Variants in ZNF483 observed in about 807,000 individuals in gnomAD.
ZNF483 encodes zinc finger protein 483.
A neutral mutation model predicts 28.6 loss-of-function variants in ZNF483; 9 were observed. That is an observed-to-expected ratio of 0.32 (90% confidence interval 0.19 to 0.55). The LOEUF is 0.55. Ranked by LOEUF, ZNF483 falls within the 20% of genes least tolerant of loss-of-function variation. The probability of loss-of-function intolerance (pLI) is 0.93; values close to 1 mark genes in which losing one functional copy is unlikely to be tolerated. For synonymous variants in ZNF483, 322 were observed against 306.2 expected, an observed-to-expected ratio of 1.05 and a Z score of -0.54; for missense variants, 675 against 871.7, an observed-to-expected ratio of 0.77 and a Z score of 2.84.
Position 111,560,818 on chromosome 9 carries a change from C to T in ZNF483, c.722-15547C>T, listed in dbSNP as rs185243049. 3.3e-5 allele frequency among the ~76,000 whole-genome samples: 5 copies of T among 149,258 alleles called. No homozygotes were observed. In the East Asian group the frequency reaches 1.0e-3, roughly 30 times the overall value. ...ACTAGCCAGGCATGGTGGCTCATGC[C>T]TGTAATCCCAGCTACTCAGGGGGCT... On this transcript the variant is annotated intron_variant, in intron 5 of 5. Coordinates refer to the ZNF483 transcript ENST00000358151.
intron 5 of ZNF483, 58 bp downstream of exon 5, chr9:111,534,411 G>A (rs1266244097): frequency 1.4e-6 from 2 of 1,432,682 alleles, no homozygotes; most frequent in Non-Finnish European, 2.0e-6. Context: ...AGTCTGTTGA[G>A]AAGACTCTTT....
At chr9:111,540,464 T>C (rs1014304118) in intron 5 of ZNF483, among the ~76,000 whole-genome samples, 1 of 152,004 alleles carries the variant, frequency 6.6e-6, no homozygotes, top group African/African-American at 2.4e-5. Context: ...TCAGTGAGAG[T>C]ATGGTATTGG....
intron 5 of ZNF483, among the ~76,000 whole-genome samples, chr9:111,567,787 A>G (rs1828631529): frequency 6.6e-6 from 1 of 152,236 alleles, no homozygotes. Context: ...ATGGGAGGCC[A>G]GGTAGAGTCC....
In ZNF483 at chr9:111,548,106, G is replaced by T. The variant is rs1412876507; in HGVS notation, c.*4936G>T. Among the ~76,000 whole-genome samples, 1 of 152,138 alleles carries T rather than the reference G, an allele frequency of 6.6e-6. No individual in the cohort carries two copies. Among genetic ancestry groups the T allele is most frequent in the Non-Finnish European group, 1.5e-5 (1 of 68,012 alleles). On this transcript the variant is annotated 3_prime_UTR_variant, in exon 6 of 6. Coordinates refer to ENST00000309235, the MANE Select transcript of ZNF483 (RefSeq NM_133464.5). ...GAGGAAGTGTGAGGCCTCCAGCTTTGTTCTTTCCCAAATTGTTTTGGCTAT... is the reference window on the plus strand; with the variant it reads ...GAGGAAGTGTGAGGCCTCCAGCTTTTTTCTTTCCCAAATTGTTTTGGCTAT...
At chr9:111,558,823 A>C (rs1828195466), downstream of ZNF483, among the ~76,000 whole-genome samples, 1 of 152,136 alleles carries the variant, frequency 6.6e-6, no homozygotes, top group Non-Finnish European at 1.5e-5. Context: ...ATTCCAATCT[A>C]ACACCACAAG....
At chr9:111,572,390 C>T (rs1040246868) in intron 5 of ZNF483, among the ~76,000 whole-genome samples, 2 of 152,022 alleles carry the variant, frequency 1.3e-5, no homozygotes, top group Non-Finnish European at 2.9e-5. Flanking sequence ...GTCAGGAAAT[C>T]AAGACCATCC....
At position 111,574,611 on chromosome 9, in the gene ZNF483, A is replaced by G. The variant is rs1828975505; in HGVS notation, c.722-1754A>G. ...CAAAGTGAGACTCTGTCTTAAAAAAAAAAAAAAAAGAATATATGAAAATCT... is the reference window on the plus strand; with the variant it reads ...CAAAGTGAGACTCTGTCTTAAAAAAGAAAAAAAAAGAATATATGAAAATCT... On this transcript the variant is annotated intron_variant, in intron 5 of 5. Coordinates refer to the ZNF483 transcript ENST00000358151. The G allele has an allele frequency of 4.3e-6, 3 of 693,408 alleles. No homozygotes were observed. In the South Asian group the frequency reaches 7.0e-5, roughly 16 times the overall value. 43.0% of individuals were successfully genotyped at this position (693,408 alleles called of 1,614,324 possible). A position where few individuals can be genotyped will look rare whatever the true frequency, so the allele number is the denominator to read the frequency against.
chr9:111,538,785 A>G (rs1827588275), intron 5 of ZNF483, among the ~76,000 whole-genome samples: 1 of 152,134 alleles, frequency 6.6e-6, no homozygotes, highest in Admixed American at 6.6e-5. Context: ...GTTTTGACAG[A>G]TACAGCAGAG....
chr9:111,529,398 A>C (rs1478930740), intron 2 of ZNF483, among the ~76,000 whole-genome samples: 1 of 152,208 alleles, frequency 6.6e-6, no homozygotes, highest in Non-Finnish European at 1.5e-5. Flanking sequence ...GGGATCACTC[A>C]TAGGCAGTAT....
intron 5 of ZNF483, among the ~76,000 whole-genome samples, chr9:111,566,569 C>G (rs769187243): frequency 6.6e-6 from 1 of 152,198 alleles, no homozygotes; most frequent in Admixed American, 6.5e-5. Context: ...CTAAAACTTA[C>G]ATGGTGTAAG....
intron 5 of ZNF483, among the ~76,000 whole-genome samples, chr9:111,561,169 GAGAGAGAGAA>G (rs1172605609): frequency 1.0e-4 from 14 of 139,448 alleles, no homozygotes; most frequent in East Asian, 2.4e-4. Flanking sequence ...GAGAGAGAGA[GAGAGAGAGAA>G]AGAGAGAGAG....
At position 111,551,322 on chromosome 9, in the gene ZNF483, A is replaced by G. The variant is rs1424432223; in HGVS notation, c.*8152A>G. Among the ~76,000 whole-genome samples the G allele has an allele frequency of 1.3e-5, 2 of 152,118 alleles. No individual in the cohort carries two copies. The highest frequency in any genetic ancestry group is 6.5e-5 in the Admixed American group (1 of 15,284). ...ACGTAGAGTTGATAAGTAGATTCAC[A>G]TAGTTCTTCCAAACATACTTTGTTG... On this transcript the variant is annotated 3_prime_UTR_variant, in exon 6 of 6. Transcript: ENST00000309235.
chr9:111,549,655 G>C lies in ZNF483; in HGVS notation c.*6485G>C, dbSNP rs184731389. The C allele has an allele frequency of 9.1e-4, 1,261 of 1,386,564 alleles. 7 individuals carry two copies. Among genetic ancestry groups the C allele is most frequent in the Middle Eastern group, 8.5e-3 (48 of 5,662 alleles). 85.9% of individuals were successfully genotyped at this position (1,386,564 alleles called of 1,614,324 possible). A position where few individuals can be genotyped will look rare whatever the true frequency, so the allele number is the denominator to read the frequency against. ...CAGCGGTCGTGGTGGTGGTGGCAGC[G>C]GCAGCAGGGTTCCCCATTGATTTTC... On this transcript the variant is annotated 3_prime_UTR_variant, in exon 6 of 6. Coordinates refer to ENST00000309235, the MANE Select transcript of ZNF483 (RefSeq NM_133464.5).
chr9:111,534,002 CTG>C, intron 4 of ZNF483, 137 bp downstream of exon 4: 1 of 1,119,544 alleles, frequency 8.9e-7, no homozygotes, highest in Non-Finnish European at 1.3e-6. Flanking sequence ...ATCCTAAAAA[CTG>C]GTTCTGAAAA....
chr9:111,572,756 C>CAA (rs58101079), intron 5 of ZNF483, among the ~76,000 whole-genome samples: 4,188 of 61,734 alleles, frequency 0.068, 147 homozygotes, highest in East Asian at 0.16. Context: ...GACCCTGTCT[C>CAA]AAAAAAAAAA....
chr9:111,573,612 C>A (rs938060446), intron 5 of ZNF483, among the ~76,000 whole-genome samples: 1 of 152,060 alleles, frequency 6.6e-6, no homozygotes, highest in Non-Finnish European at 1.5e-5. Context: ...TTTGTGATCT[C>A]TCTTAATAGC....
intron 2 of ZNF483, chr9:111,528,159 C>A: frequency 1.2e-6 from 1 of 834,564 alleles, no homozygotes; most frequent in Non-Finnish European, 1.8e-6. Flanking sequence ...ACAGGCAAAT[C>A]AACCAGCTCA....
rs367828494 is a variant in ZNF483 at position 111,548,056 on chromosome 9, G to A, written c.*4886G>A. ...TGTTTTGTAATCAGGATTACACTACGTTTCCTGTAGTATGTTTTTGAAATG... is the reference window on the plus strand; with the variant it reads ...TGTTTTGTAATCAGGATTACACTACATTTCCTGTAGTATGTTTTTGAAATG... On this transcript the variant is annotated 3_prime_UTR_variant, in exon 6 of 6. Coordinates refer to ENST00000309235, the MANE Select transcript of ZNF483 (RefSeq NM_133464.5). Among the ~76,000 whole-genome samples, 4 of 152,108 alleles carry A rather than the reference G, an allele frequency of 2.6e-5. No individual in the cohort carries two copies. The highest frequency in any genetic ancestry group is 4.4e-5 in the Non-Finnish European group (3 of 68,008).
chr9:111,557,928 C>G (rs982280196), downstream of ZNF483, among the ~76,000 whole-genome samples: 2 of 152,102 alleles, frequency 1.3e-5, no homozygotes, highest in African/African-American at 2.4e-5. Flanking sequence ...GCAGGCAGAT[C>G]ATGAGGTTAA....
Sources: allele counts gnomAD v4.1 joint callset (sites outside exome capture counted in the v4.1 genomes callset), GRCh38; gene constraint gnomAD v4.1.1; transcripts MANE v1.5; gene names NCBI Gene and HGNC (gene_info 2026-07-23, HGNC 2026-07-21).